The following ZNF362 variants were observed in gnomAD, a reference collection of about 807,000 sequenced individuals.
ZNF362 encodes rotund homolog.
Under a neutral mutation model 42.9 loss-of-function variants are expected in ZNF362, and 11 were observed. The ratio of observed to expected loss-of-function variants is 0.26; its 90% CI spans 0.16 to 0.42. ZNF362 has a LOEUF of 0.42. ZNF362 is among the 20% of genes least tolerant of loss of function. The pLI, the probability that ZNF362 is intolerant of heterozygous loss-of-function variation, is 1.00. For synonymous variants in ZNF362, 255 were observed against 257.3 expected, an observed-to-expected ratio of 0.99 and a Z score of 0.09; for missense variants, 362 against 576.2, an observed-to-expected ratio of 0.63 and a Z score of 3.81.
At chr1:33,235,677 C>G in the ZNF362 span, among the ~76,000 whole-genome samples, 1 of 152,080 alleles carries the variant, frequency 6.6e-6, no homozygotes, top group Non-Finnish European at 1.5e-5. Flanking sequence ...ATTTATAGCC[C>G]GGAAGCAGGG....
the ZNF362 span, chr1:33,147,728 C>T: frequency 6.2e-7 from 1 of 1,607,546 alleles, no homozygotes; most frequent in South Asian, 1.1e-5. This position sits in a 1 kb window ranked among gnomAD's most constrained non-coding sequence, Gnocchi z 8.1. Flanking sequence ...GCGGCTGGCA[C>T]TGTGGGGGTT....
chr1:33,275,315 A>G (rs1645935484), intron 2 of ZNF362: 4 of 985,454 alleles, frequency 4.1e-6, no homozygotes, highest in Admixed American at 6.1e-5. Flanking sequence ...CAGGCCTGCC[A>G]TGGAACTTGC....
chr1:33,235,582 A>G, the ZNF362 span, among the ~76,000 whole-genome samples: 2 of 152,176 alleles, frequency 1.3e-5, no homozygotes, highest in Admixed American at 6.5e-5. Flanking sequence ...GACTGTCACT[A>G]TAGGTGTAGG....
the ZNF362 span, among the ~76,000 whole-genome samples, chr1:33,222,560 G>A: frequency 6.6e-6 from 1 of 152,044 alleles, no homozygotes; most frequent in Non-Finnish European, 1.5e-5. Context: ...ATTTCCTACT[G>A]TGCCTGAAAT....
the ZNF362 span, chr1:33,165,668 C>T: frequency 1.0e-6 from 1 of 999,152 alleles, no homozygotes; most frequent in African/African-American, 1.7e-5. The surrounding 1 kb of genome is among the most constrained non-coding windows in gnomAD (Gnocchi z 4.0). Flanking sequence ...GGTCTCTGTC[C>T]CCAACCTCCA....
chr1:33,299,109 C>T lies in ZNF362; in HGVS notation c.*63C>T. The T allele has an allele frequency of 1.5e-6, 2 of 1,328,968 alleles. No individual in the cohort carries two copies. The highest frequency in any genetic ancestry group is 2.1e-6 in the Non-Finnish European group (2 of 936,550). The allele number at this position is 1,328,968 out of a possible 1,614,324, so 82.3% of individuals were successfully genotyped here. A position where few individuals can be genotyped will look rare whatever the true frequency, so the allele number is the denominator to read the frequency against. ...GACACAGACCCAGGCAGCACCAGGC[C>T]CCAGCTCCCTCCGGGGGCCCTCCAG... On this transcript the variant is annotated 3_prime_UTR_variant, in exon 9 of 9. Transcript: ENST00000539719.
Position 33,295,024 on chromosome 1 carries a change from C to G in ZNF362, c.987+9C>G. ...AGCTCTCCAACCTCCAGGTGAGTGCCTGCCTGCCTCCTGCCCACCAGGTGC... is the reference window on the plus strand; with the variant it reads ...AGCTCTCCAACCTCCAGGTGAGTGCGTGCCTGCCTCCTGCCCACCAGGTGC... On this transcript the variant is annotated intron_variant, in intron 7 of 8. Coordinates refer to ENST00000539719, the MANE Select transcript of ZNF362 (RefSeq NM_152493.3). 1 of 1,613,938 alleles carries G rather than the reference C, an allele frequency of 6.2e-7. No individual in the cohort carries two copies. Among genetic ancestry groups the G allele is most frequent in the South Asian group, 1.1e-5 (1 of 91,074 alleles).
chr1:33,190,305 T>G, the ZNF362 span, among the ~76,000 whole-genome samples: 1 of 152,176 alleles, frequency 6.6e-6, no homozygotes, highest in Non-Finnish European at 1.5e-5. Flanking sequence ...GGCCCCTTGG[T>G]TGAGTTTCTG....
upstream of ZNF362, among the ~76,000 whole-genome samples, chr1:33,256,056 G>T (rs1371061103): frequency 6.6e-6 from 1 of 151,652 alleles, no homozygotes; most frequent in African/African-American, 2.4e-5. Context: ...TCCTAGGGCC[G>T]GGCGCCGGTG....
chr1:33,132,932 G>A, the ZNF362 span, among the ~76,000 whole-genome samples: 4 of 152,246 alleles, frequency 2.6e-5, no homozygotes, highest in African/African-American at 9.6e-5. Flanking sequence ...GTTTTAAGAT[G>A]GGAGAAGTGG....
chr1:33,243,149 TTA>T, the ZNF362 span, among the ~76,000 whole-genome samples: 1 of 150,700 alleles, frequency 6.6e-6, no homozygotes, highest in African/African-American at 2.5e-5. Flanking sequence ...TTATGTTATG[TTA>T]TGTTATGTTG....
the ZNF362 span, among the ~76,000 whole-genome samples, chr1:33,222,338 A>G: frequency 2.0e-5 from 3 of 152,080 alleles, no homozygotes; most frequent in Admixed American, 2.0e-4. Context: ...CCTACCTCCA[A>G]AATATATCTC....
chr1:33,288,878 A>C (rs1036793708), intron 6 of ZNF362, among the ~76,000 whole-genome samples: 2 of 152,040 alleles, frequency 1.3e-5, no homozygotes, highest in African/African-American at 2.4e-5. Flanking sequence ...CTGATGTTAG[A>C]ATTGAGGGCT....
the ZNF362 span, among the ~76,000 whole-genome samples, chr1:33,198,398 G>A: frequency 1.3e-5 from 2 of 152,124 alleles, no homozygotes; most frequent in African/African-American, 4.8e-5. Flanking sequence ...GGGCATGGTG[G>A]CTCATGCCTG....
the ZNF362 span, among the ~76,000 whole-genome samples, chr1:33,217,335 G>A: frequency 1.3e-5 from 2 of 152,194 alleles, no homozygotes; most frequent in African/African-American, 4.8e-5. Flanking sequence ...AGCTCACTGT[G>A]TAACCTTGGC....
chr1:33,284,489 C>CTATTAT (rs1646018200), intron 6 of ZNF362, among the ~76,000 whole-genome samples: 1 of 152,142 alleles, frequency 6.6e-6, no homozygotes, highest in South Asian at 2.1e-4. Context: ...GAGTTTTTAG[C>CTATTAT]TATTATTCCT....
chr1:33,186,225 A>T, the ZNF362 span, among the ~76,000 whole-genome samples: 2 of 152,154 alleles, frequency 1.3e-5, no homozygotes, highest in Admixed American at 1.3e-4. Flanking sequence ...CTCAGCTGTC[A>T]TAGTGTAAAC....
At position 33,280,595 on chromosome 1, in the gene ZNF362, C is replaced by A. The variant is rs1570399562; in HGVS notation, c.683+138C>A. 7.0e-7 allele frequency: 1 copy of A among 1,421,022 alleles called. No individual in the cohort carries two copies. The highest frequency in any genetic ancestry group is 1.4e-5 in the African/African-American group (1 of 69,354). The allele number at this position is 1,421,022 out of a possible 1,614,324, so 88.0% of individuals were successfully genotyped here. A position where few individuals can be genotyped will look rare whatever the true frequency, so the allele number is the denominator to read the frequency against. ...AGGGCTAGGGTCCAGAGGGGCGGGG[C>A]CTTCTGGAGAGCCCCACCCACATCC... is the stretch of plus-strand genomic sequence containing the variant. On this transcript the variant is annotated intron_variant, in intron 5 of 8. Coordinates refer to ENST00000539719, the MANE Select transcript of ZNF362 (RefSeq NM_152493.3). The surrounding 1 kb of genome is among the most constrained non-coding windows in gnomAD (Gnocchi z 5.6).
chr1:33,295,576 T>C (rs1646116738), intron 8 of ZNF362, among the ~76,000 whole-genome samples: 1 of 151,140 alleles, frequency 6.6e-6, no homozygotes, highest in Non-Finnish European at 1.5e-5. Context: ...CTCACAGCAG[T>C]GGCAGGAGGC....
Sources: gnomAD v4.1 joint callset for allele counts (sites outside exome capture counted in the v4.1 genomes callset) on GRCh38, gnomAD v4.1.1 for gene constraint, Gnocchi (gnomAD v3.1) non-coding constraint, MANE v1.5 for transcripts, NCBI Gene and HGNC (gene_info 2026-07-23, HGNC 2026-07-21) for gene names.